The following LAMB4 variants were observed in gnomAD, a reference collection of about 807,000 sequenced individuals.
LAMB4 encodes the protein laminin subunit beta-4.
LAMB4 carries 196 observed loss-of-function variants against 199.2 expected under a neutral mutation model. That is an observed-to-expected ratio of 0.98 (90% CI 0.88 to 1.11). The LOEUF (loss-of-function observed/expected upper bound fraction) is 1.11. Ranked by LOEUF, LAMB4 falls within the 50% of genes least tolerant of loss-of-function variation. The pLI, the probability that LAMB4 is intolerant of heterozygous loss-of-function variation, is 0.00. For missense variants in LAMB4, 2,080 were observed against 2,171.2 expected, an observed-to-expected ratio of 0.96 and a Z score of 0.83; for synonymous variants, 744 against 770.6, an observed-to-expected ratio of 0.97 and a Z score of 0.57.
At chr7:108,012,175 A>G in the LAMB4 span, among the ~76,000 whole-genome samples, 2 of 151,944 alleles carry the variant, frequency 1.3e-5, no homozygotes, top group African/African-American at 4.8e-5. Flanking sequence ...AAACATATTT[A>G]TATAAACACA....
At position 108,105,861 on chromosome 7, in the gene LAMB4, G is replaced by A. The variant is rs2037987448; in HGVS notation, c.826C>T (p.Pro276Ser). ...FCNGHASECR[P>S]MQKMRGDVFS... ...ACATCTCCCCGCATCTTCTGCATAG[G>A]GCGACATTCGCTAGCATGGCCATTG... Residue 276 changes from proline to serine, a missense_variant, in exon 8 of 34, where the codon CCT (proline) becomes TCT (serine). Coordinates refer to ENST00000388781, the MANE Select transcript of LAMB4 (RefSeq NM_007356.3). 1 of 1,614,186 alleles carries A rather than the reference G, an allele frequency of 6.2e-7. No individual in the cohort carries two copies. Among genetic ancestry groups the A allele is most frequent in the Non-Finnish European group, 8.5e-7 (1 of 1,180,034 alleles).
At chr7:108,108,292 G>A (rs907352130) in intron 5 of LAMB4, among the ~76,000 whole-genome samples, 4 of 152,172 alleles carry the variant, frequency 2.6e-5, no homozygotes, top group African/African-American at 9.7e-5. Flanking sequence ...GTATTTATGA[G>A]TACACACTTT....
At chr7:108,074,029 G>A (rs2036616102) in intron 17 of LAMB4, among the ~76,000 whole-genome samples, 1 of 152,174 alleles carries the variant, frequency 6.6e-6, no homozygotes, top group South Asian at 2.1e-4. Flanking sequence ...AGGTTCAACT[G>A]TGTGGTGCAA....
rs1197833622 is a variant in LAMB4 at position 108,095,224 on chromosome 7, A to T, written c.1470+4T>A. On this transcript the variant is annotated splice_donor_region_variant and intron_variant, in intron 12 of 33. Transcript: ENST00000388781. ...GAAAAGGGAAACTATAGGCAAATAC[A>T]TACAGTGCATTCTTCGCAGTGTGCT... 1 of 1,603,560 alleles carries T rather than the reference A, an allele frequency of 6.2e-7. No homozygotes were observed. Among genetic ancestry groups the T allele is most frequent in the Non-Finnish European group, 8.5e-7 (1 of 1,170,650 alleles).
Position 108,042,902 on chromosome 7 carries a change from G to T in LAMB4, c.4471+850C>A, listed in dbSNP as rs112108070. Among the ~76,000 whole-genome samples, 24 of 150,240 alleles carry T rather than the reference G, an allele frequency of 1.6e-4. 1 individual carries two copies. Among genetic ancestry groups the T allele is most frequent in the African/African-American group, 4.7e-4 (19 of 40,278 alleles). ...TTGAAAAATGGTTATGGAAAATAAA[G>T]CCTCTTCACATTAATCATCTCTCTC... On this transcript the variant is annotated intron_variant, in intron 29 of 33. Coordinates refer to ENST00000388781, the MANE Select transcript of LAMB4 (RefSeq NM_007356.3).
intron 1 of LAMB4, among the ~76,000 whole-genome samples, chr7:108,128,417 C>T (rs977170011): frequency 6.6e-6 from 1 of 151,936 alleles, no homozygotes; most frequent in Non-Finnish European, 1.5e-5. Flanking sequence ...ATTTCTGGGC[C>T]CTACAACATA....
chr7:108,111,324 A>C (rs1167367986), intron 4 of LAMB4, among the ~76,000 whole-genome samples: 1 of 152,264 alleles, frequency 6.6e-6, no homozygotes, highest in Non-Finnish European at 1.5e-5. Flanking sequence ...GTCCGTAGCC[A>C]GCTATCCTTT....
In LAMB4 at chr7:108,092,353, C is replaced by G; in HGVS notation, c.1534G>C (p.Gly512Arg). ...TTGACTTACACGTTAGAATAAGCAC[C>G]TCCAATATCACAGTCACAGGGAGAA... ...GCSPCDCDIG[G>R]AYSNVCSPKN... Residue 512 changes from glycine to arginine, a missense_variant, in exon 13 of 34, where the codon GGT becomes CGT. By Grantham distance (125) the Gly-to-Arg change is moderately radical. Transcript: ENST00000388781. 1.9e-6 allele frequency: 3 copies of G among 1,613,418 alleles called. No homozygotes were observed. Among genetic ancestry groups the G allele is most frequent in the South Asian group, 1.1e-5 (1 of 91,054 alleles).
chr7:108,043,829 C>T lies in LAMB4; in HGVS notation c.4394G>A (p.Gly1465Glu). ...AGAGTCACTTTGGTTTCTTATATTTCCCAGTTTTTCCCTCAGCTGTAAGGC... is the reference window on the plus strand; with the variant it reads ...AGAGTCACTTTGGTTTCTTATATTTTCCAGTTTTTCCCTCAGCTGTAAGGC... ...NNALQLREKL[G>E]NIRNQSDSEE... is the part of the protein sequence containing the mutation. The change falls in exon 29 of 34, where the codon GGA becomes GAA. Residue 1465 changes from glycine to glutamate, a missense_variant. Physicochemically the swap from Gly to Glu is moderately conservative, Grantham distance 98 (BLOSUM62 -2). Coordinates refer to ENST00000388781, the MANE Select transcript of LAMB4 (RefSeq NM_007356.3). 1 of 1,607,978 alleles carries T rather than the reference C, an allele frequency of 6.2e-7. No individual in the cohort carries two copies. Among genetic ancestry groups the T allele is most frequent in the Non-Finnish European group, 8.5e-7 (1 of 1,176,894 alleles).
chr7:108,062,840 G>T lies in LAMB4; in HGVS notation c.3216C>A (p.Val1072=). ...CACATGACTGACATCCTCTGCCAGG[G>T]ACCAGATTCCAGTATCCATCAGCAC... ...DRCADGYWNL[V]PGRGCQSCDC... is the part of the protein sequence containing the mutation. Residue 1072 remains valine (V), a synonymous_variant, in exon 23 of 34, where the codon GTC becomes GTA. Transcript: ENST00000388781. 1 of 1,566,396 alleles carries T rather than the reference G, an allele frequency of 6.4e-7. No individual in the cohort carries two copies. The highest frequency in any genetic ancestry group is 1.4e-5 in the African/African-American group (1 of 72,870).
chr7:108,103,105 G>T lies in LAMB4; in HGVS notation c.1119C>A (p.Arg373=), dbSNP rs2037873016. 6.2e-7 allele frequency: 1 copy of T among 1,613,730 alleles called. No homozygotes were observed. Among genetic ancestry groups the T allele is most frequent in the Admixed American group, 1.7e-5 (1 of 60,000 alleles). The change falls in exon 10 of 34, where the codon CGC becomes CGA. Residue 373 remains arginine (R), a synonymous_variant. Coordinates refer to ENST00000388781, the MANE Select transcript of LAMB4 (RefSeq NM_007356.3). The part of the protein sequence containing the change: ...QHNTEGQHCD[R]CRPLFYRDPL... Reference sequence around the variant, plus strand: ...GGTCCCTGTAGAAGAGGGGTCTGCAGCGGTCGCAGTGCTGCCCCTCAGTGT... The same window carrying T: ...GGTCCCTGTAGAAGAGGGGTCTGCATCGGTCGCAGTGCTGCCCCTCAGTGT...
At chr7:108,093,700 C>T (rs571019278) in intron 12 of LAMB4, among the ~76,000 whole-genome samples, 3 of 152,256 alleles carry the variant, frequency 2.0e-5, no homozygotes, top group African/African-American at 2.4e-5. Flanking sequence ...AAAAAATTCT[C>T]CTCCCACACA....
intron 22 of LAMB4, among the ~76,000 whole-genome samples, 185 bp from the exon 23 acceptor site, chr7:108,063,179 A>T (rs1563058047): frequency 6.6e-6 from 1 of 152,198 alleles, no homozygotes; most frequent in Non-Finnish European, 1.5e-5. Flanking sequence ...ATGGTTTCTG[A>T]TCTCCCCAAA....
intron 1 of LAMB4, among the ~76,000 whole-genome samples, chr7:108,126,780 G>A (rs2038803240): frequency 6.6e-6 from 1 of 150,896 alleles, no homozygotes; most frequent in Non-Finnish European, 1.5e-5. Context: ...TTGTTAGCCA[G>A]GATGGTCTCG....
chr7:108,118,158 A>G (rs1027961339), intron 2 of LAMB4, among the ~76,000 whole-genome samples: 1 of 152,122 alleles, frequency 6.6e-6, no homozygotes, highest in Non-Finnish European at 1.5e-5. Flanking sequence ...GAAAAAGACA[A>G]TATTATTTTA....
intron 30 of LAMB4, among the ~76,000 whole-genome samples, chr7:108,035,538 T>C (rs754998335): frequency 1.2e-4 from 11 of 92,940 alleles, no homozygotes; most frequent in Middle Eastern, 7.1e-3. Flanking sequence ...TGAGACCCTG[T>C]CTCAAAAGAA....
At chr7:108,098,226 G>T (rs553763683) in intron 11 of LAMB4, among the ~76,000 whole-genome samples, 177 bp downstream of exon 11, 1 of 152,212 alleles carries the variant, frequency 6.6e-6, no homozygotes, top group East Asian at 1.9e-4. Context: ...CCAGCTACTC[G>T]GGAGGCTGAG....
rs1181321626 is a variant in LAMB4, at chr7:108,055,890, C to T, written c.3497G>A (p.Ser1166Asn). ...QRCDRCARGH[S>N]QEFPTCLQCH... The stretch of plus-strand genomic sequence containing the variant: ...TTGAAGACAAGTAGGGAATTCCTGG[C>T]TGTGTCCCCGGGCACAGCGATCACA... Residue 1166 changes from serine (S) to asparagine (N), a missense_variant, in exon 25 of 34, where the codon AGC becomes AAC. Physicochemically the swap from Ser to Asn is conservative, Grantham distance 46. Transcript: ENST00000388781. 6.2e-7 allele frequency: 1 copy of T among 1,614,104 alleles called. No individual in the cohort carries two copies. Among genetic ancestry groups the T allele is most frequent in the African/African-American group, 1.3e-5 (1 of 74,942 alleles).
At chr7:108,069,940 C>T (rs2036476156) in intron 17 of LAMB4, 55 bp from the exon 18 acceptor site, 1 of 1,398,958 alleles carries the variant, frequency 7.1e-7, no homozygotes, top group Admixed American at 2.1e-5. Flanking sequence ...GTGTACGATT[C>T]TACTTACATA....
Sources: gnomAD v4.1 joint callset for allele counts (sites outside exome capture counted in the v4.1 genomes callset) on GRCh38, gnomAD v4.1.1 for gene constraint, MANE v1.5 for transcripts, NCBI Gene and HGNC (gene_info 2026-07-23, HGNC 2026-07-21) for gene names.